NELL2: variants seen among roughly 807,000 people sequenced by gnomAD.
The protein encoded by NELL2 is protein kinase C-binding protein NELL2.
NELL2 carries 41 observed loss-of-function variants against 109.6 expected under a neutral mutation model. The ratio of observed to expected loss-of-function variants is 0.37; its 90% CI spans 0.29 to 0.49. NELL2 has a LOEUF of 0.49. Among genes scored for constraint, NELL2 ranks in the 20% least tolerant of loss-of-function variants. The pLI is 0.98. For synonymous variants in NELL2, 355 were observed against 344.7 expected, an observed-to-expected ratio of 1.03 and a Z score of -0.33; for missense variants, 900 against 1,008.3, an observed-to-expected ratio of 0.89 and a Z score of 1.45.
intron 9 of NELL2, among the ~76,000 whole-genome samples, chr12:44,756,666 C>T (rs1334763394): frequency 6.6e-6 from 1 of 152,070 alleles, no homozygotes; most frequent in Non-Finnish European, 1.5e-5. Context: ...GTATCACTTC[C>T]TACCTCCTAA....
intron 15 of NELL2, among the ~76,000 whole-genome samples, chr12:44,537,655 C>T (rs1308119972): frequency 6.6e-6 from 1 of 152,064 alleles, no homozygotes; most frequent in Non-Finnish European, 1.5e-5. Flanking sequence ...AAACAATGAA[C>T]TCTTGATTAC....
intron 15 of NELL2, among the ~76,000 whole-genome samples, chr12:44,588,986 A>G (rs928676699): frequency 6.6e-6 from 1 of 152,216 alleles, no homozygotes; most frequent in Admixed American, 6.5e-5. Flanking sequence ...ACTGGCTACT[A>G]AGTGTTTTGC....
At chr12:44,530,506 A>T (rs867190651) in intron 16 of NELL2, among the ~76,000 whole-genome samples, 5 of 152,208 alleles carry the variant, frequency 3.3e-5, no homozygotes, top group African/African-American at 9.6e-5. Context: ...ACCACTTAGT[A>T]TTCAAGCCCT....
chr12:44,556,969 G>A (rs1943282416), intron 15 of NELL2, among the ~76,000 whole-genome samples: 1 of 152,166 alleles, frequency 6.6e-6, no homozygotes, highest in Non-Finnish European at 1.5e-5. Context: ...GGATTTGTTT[G>A]TTGGACCTGA....
At chr12:44,766,090 A>G (rs1312137947) in intron 9 of NELL2, among the ~76,000 whole-genome samples, 1 of 151,752 alleles carries the variant, frequency 6.6e-6, no homozygotes, top group African/African-American at 2.4e-5. Context: ...CGTATCAGAA[A>G]AAAAAAAAAA....
chr12:44,508,879 G>A lies in NELL2; in HGVS notation c.*55C>T. 6.8e-7 allele frequency: 1 copy of A among 1,476,344 alleles called. No individual in the cohort carries two copies. The highest frequency in any genetic ancestry group is 1.8e-4 in the Middle Eastern group (1 of 5,694). The allele number at this position is 1,476,344 out of a possible 1,614,324, so 91.5% of individuals were successfully genotyped here. A position where few individuals can be genotyped will look rare whatever the true frequency, so the allele number is the denominator to read the frequency against. ...CAATTTAAGTTTTAACTTCTTTTTG[G>A]TCTTTTAATGAAAGAACATTCTTTT... On this transcript the variant is annotated 3_prime_UTR_variant, in exon 20 of 20. Transcript: ENST00000429094.
chr12:44,745,238 A>G (rs1339547306), intron 9 of NELL2, among the ~76,000 whole-genome samples: 1 of 150,534 alleles, frequency 6.6e-6, no homozygotes, highest in African/African-American at 2.5e-5. Flanking sequence ...AAGGCCTTTG[A>G]CAAAATTCAA....
intron 9 of NELL2, among the ~76,000 whole-genome samples, chr12:44,773,739 G>A (rs1743758661): frequency 6.6e-6 from 1 of 152,094 alleles, no homozygotes; most frequent in South Asian, 2.1e-4. Flanking sequence ...ACTTGACTAG[G>A]CTAATACAGT....
At chr12:44,890,012 T>G (rs752131657) in intron 1 of NELL2, among the ~76,000 whole-genome samples, 24 of 152,170 alleles carry the variant, frequency 1.6e-4, no homozygotes, top group Non-Finnish European at 2.9e-4. Context: ...GGGATAAGCT[T>G]ATGTTAGTAT....
At chr12:44,808,385 A>G (rs539970207) in intron 3 of NELL2, among the ~76,000 whole-genome samples, 2 of 152,174 alleles carry the variant, frequency 1.3e-5, no homozygotes, top group East Asian at 3.9e-4. Context: ...TGGTAGTGAT[A>G]TATGTATGCT....
At chr12:44,706,481 T>C (rs1185064050) in intron 11 of NELL2, among the ~76,000 whole-genome samples, 4 of 152,176 alleles carry the variant, frequency 2.6e-5, no homozygotes, top group Non-Finnish European at 5.9e-5. Context: ...GCTTGGCTAT[T>C]GGAGTTGGCA....
At chr12:44,590,873 C>A (rs1261481835) in intron 15 of NELL2, among the ~76,000 whole-genome samples, 2 of 149,822 alleles carry the variant, frequency 1.3e-5, no homozygotes, top group Non-Finnish European at 3.0e-5. Flanking sequence ...ACTATTTATC[C>A]AAGGAATTAA....
chr12:44,519,584 T>C (rs1283124313), intron 19 of NELL2, among the ~76,000 whole-genome samples: 2 of 152,160 alleles, frequency 1.3e-5, no homozygotes, highest in Non-Finnish European at 2.9e-5. Context: ...CTTTGGAAAA[T>C]GTAATAAATC....
intron 13 of NELL2, among the ~76,000 whole-genome samples, chr12:44,653,760 G>A (rs565922786): frequency 6.6e-6 from 1 of 151,656 alleles, no homozygotes; most frequent in East Asian, 1.9e-4. Flanking sequence ...ACAATTTTTT[G>A]GCAAAAAAGA....
chr12:44,876,082 C>G lies in NELL2; in HGVS notation c.-213G>C, dbSNP rs1945310996. 7.2e-7 allele frequency: 1 copy of G among 1,393,118 alleles called. No individual in the cohort carries two copies. Among genetic ancestry groups the G allele is most frequent in the East Asian group, 2.6e-5 (1 of 38,026 alleles). The allele number at this position is 1,393,118 out of a possible 1,614,324, so 86.3% of individuals were successfully genotyped here. A position where few individuals can be genotyped will look rare whatever the true frequency, so the allele number is the denominator to read the frequency against. The stretch of plus-strand genomic sequence containing the variant: ...AACTTAGACCCTCCAATGCGCACAT[C>G]ATTCCCACACGCAGGGCCGAGGCGG... On this transcript the variant is annotated 5_prime_UTR_variant, in exon 1 of 20. An upstream start codon of the reference 5' UTR is lost. Coordinates refer to ENST00000429094, the MANE Select transcript of NELL2 (RefSeq NM_001145108.2).
chr12:44,702,508 T>G (rs1949260515), intron 12 of NELL2, among the ~76,000 whole-genome samples: 1 of 152,314 alleles, frequency 6.6e-6, no homozygotes, highest in African/African-American at 2.4e-5. Context: ...TGTAGTTTCA[T>G]GTTATACATA....
At chr12:44,810,049 C>T (rs1469209135) in intron 3 of NELL2, among the ~76,000 whole-genome samples, 1 of 152,018 alleles carries the variant, frequency 6.6e-6, no homozygotes, top group Non-Finnish European at 1.5e-5. Context: ...GGATTAGGCA[C>T]CCTGCATCAA....
chr12:44,722,287 T>C (rs1938818964), intron 9 of NELL2, among the ~76,000 whole-genome samples: 1 of 152,038 alleles, frequency 6.6e-6, no homozygotes, highest in Non-Finnish European at 1.5e-5. Context: ...CACCTCAGCC[T>C]CCTGAGTAGT....
At chr12:44,662,396 T>G (rs1156982732) in intron 13 of NELL2, among the ~76,000 whole-genome samples, 2 of 152,158 alleles carry the variant, frequency 1.3e-5, no homozygotes, top group African/African-American at 4.8e-5. Context: ...AGACAAACAG[T>G]GAATAGTATA....
Sources: gnomAD v4.1 joint callset for allele counts (sites outside exome capture counted in the v4.1 genomes callset) on GRCh38, gnomAD v4.1.1 for gene constraint, MANE v1.5 for transcripts, NCBI Gene and HGNC (gene_info 2026-07-23, HGNC 2026-07-21) for gene names.